SGCZ: variants seen among roughly 807,000 people sequenced by gnomAD.
The protein encoded by SGCZ is sarcoglycan zeta.
SGCZ carries 40 observed loss-of-function variants against 41.3 expected under a neutral mutation model. The observed-to-expected ratio is 0.97, with a 90% confidence interval of 0.75 to 1.26. The LOEUF (loss-of-function observed/expected upper bound fraction) is 1.26. Ranked by LOEUF, SGCZ falls within the 50% of genes most tolerant of loss-of-function variation. The pLI is 0.00. For missense variants in SGCZ, 552 were observed against 369.8 expected (o/e 1.49, Z -4.04); for synonymous variants, 206 against 137.5 (o/e 1.50, Z -3.49).
Position 14,265,746 on chromosome 8 carries a change from T to C in SGCZ, c.337-28067A>G, listed in dbSNP as rs76049285. ...TAGAGAGACAATTCAGCAATTTATT[T>C]AAAAAGAAAAAAAAAACTTAACAGA... is the stretch of plus-strand genomic sequence containing the variant. On this transcript the variant is annotated intron_variant, in intron 3 of 7. Transcript: ENST00000382080. 7.5e-5 allele frequency among the ~76,000 whole-genome samples: 11 copies of C among 147,244 alleles called. No individual in the cohort carries two copies. In the East Asian group the frequency reaches 2.2e-3, roughly 30 times the overall value.
chr8:14,114,129 G>A (rs1258855357), intron 5 of SGCZ, among the ~76,000 whole-genome samples: 2 of 151,876 alleles, frequency 1.3e-5, no homozygotes, highest in Non-Finnish European at 2.9e-5. Flanking sequence ...AGCCTGTCTC[G>A]ATAACAGTTG....
intron 1 of SGCZ, among the ~76,000 whole-genome samples, chr8:15,139,431 A>T (rs972370655): frequency 6.6e-6 from 1 of 152,222 alleles, no homozygotes; most frequent in Admixed American, 6.5e-5. Context: ...GTTACTATTC[A>T]TACTTTTCAG....
At chr8:14,543,683 T>A (rs74707948) in intron 2 of SGCZ, among the ~76,000 whole-genome samples, 7,580 of 152,200 alleles carry the variant, frequency 0.05, 604 homozygotes, top group African/African-American at 0.17. Flanking sequence ...AGTTAAGAAC[T>A]TGGACTACAC....
intron 1 of SGCZ, among the ~76,000 whole-genome samples, chr8:15,045,585 T>C (rs1453707604): frequency 1.3e-5 from 2 of 152,098 alleles, no homozygotes; most frequent in Non-Finnish European, 2.9e-5. Context: ...CATGTTTCAG[T>C]TTATCTCTTA....
At chr8:14,701,759 C>G (rs1809144895) in intron 1 of SGCZ, among the ~76,000 whole-genome samples, 1 of 151,876 alleles carries the variant, frequency 6.6e-6, no homozygotes, top group Non-Finnish European at 1.5e-5. Context: ...CTCCTGACCT[C>G]TTACCAAACC....
intron 1 of SGCZ, among the ~76,000 whole-genome samples, chr8:14,751,620 G>C (rs1056024191): frequency 6.6e-6 from 1 of 152,140 alleles, no homozygotes; most frequent in Admixed American, 6.5e-5. Flanking sequence ...CCTGAAAAGA[G>C]AGGCTGGTTT....
At chr8:15,157,732 T>C (rs1799375247) in intron 1 of SGCZ, among the ~76,000 whole-genome samples, 2 of 152,180 alleles carry the variant, frequency 1.3e-5, no homozygotes, top group South Asian at 4.1e-4. Flanking sequence ...ATGAAACCTT[T>C]ACAGTACTAG....
At chr8:14,479,244 G>A (rs1801451959) in intron 2 of SGCZ, among the ~76,000 whole-genome samples, 1 of 151,588 alleles carries the variant, frequency 6.6e-6, no homozygotes, top group African/African-American at 2.4e-5. Context: ...GTAAACCACT[G>A]TTGTAGGTCC....
chr8:15,063,654 C>G (rs1005581577), intron 1 of SGCZ, among the ~76,000 whole-genome samples: 13 of 152,110 alleles, frequency 8.5e-5, no homozygotes, highest in Admixed American at 4.6e-4. Context: ...ATTGCTTTTC[C>G]AAAGATTTAA....
intron 1 of SGCZ, among the ~76,000 whole-genome samples, chr8:15,012,803 A>G (rs1802888846): frequency 6.7e-6 from 1 of 150,138 alleles, no homozygotes; most frequent in East Asian, 1.9e-4. Context: ...GTGTGCATAT[A>G]TATATATACG....
At chr8:14,691,437 G>C (rs1808794528) in intron 1 of SGCZ, among the ~76,000 whole-genome samples, 2 of 151,984 alleles carry the variant, frequency 1.3e-5, no homozygotes, top group Non-Finnish European at 2.9e-5. Flanking sequence ...AGTACCAAAG[G>C]ATGACCTAGC....
At chr8:14,846,243 G>T (rs562305555) in intron 1 of SGCZ, among the ~76,000 whole-genome samples, 4 of 152,076 alleles carry the variant, frequency 2.6e-5, no homozygotes, top group Non-Finnish European at 5.9e-5. Context: ...AAGGAAGAAA[G>T]TTTGCAAATT....
intron 1 of SGCZ, among the ~76,000 whole-genome samples, chr8:14,617,594 A>C (rs552562957): frequency 6.6e-6 from 1 of 152,288 alleles, no homozygotes; most frequent in African/African-American, 2.4e-5. Context: ...CCTAACCATA[A>C]ATACACTTGA....
intron 1 of SGCZ, among the ~76,000 whole-genome samples, chr8:15,111,377 G>A (rs1218913678): frequency 3.9e-5 from 6 of 152,144 alleles, no homozygotes; most frequent in African/African-American, 7.2e-5. Context: ...TGGGCCAAGC[G>A]TGGACCATCC....
At position 14,572,474 on chromosome 8, in the gene SGCZ, C is replaced by T. The variant is rs1184819875; in HGVS notation, c.40-17548G>A. ...AGGCACTAATGCCCACAGGTGTTAA[C>T]TCATTTAATCCTCACCGAACCCAGA... On this transcript the variant is annotated intron_variant, in intron 1 of 7. Coordinates refer to ENST00000382080, the MANE Select transcript of SGCZ (RefSeq NM_139167.4). 7.2e-5 allele frequency among the ~76,000 whole-genome samples: 11 copies of T among 151,750 alleles called. No homozygotes were observed. In the East Asian group the frequency reaches 2.1e-3, roughly 30 times the overall value.
intron 1 of SGCZ, among the ~76,000 whole-genome samples, chr8:15,219,288 A>G (rs1801513289): frequency 6.6e-6 from 1 of 152,176 alleles, no homozygotes; most frequent in Non-Finnish European, 1.5e-5. Flanking sequence ...TTGTTCACAT[A>G]TATACATATA....
At position 14,503,998 on chromosome 8, in the gene SGCZ, T is replaced by C. The variant is rs182746789; in HGVS notation, c.234+50734A>G. Among the ~76,000 whole-genome samples, 434 of 152,294 alleles carry C rather than the reference T, an allele frequency of 2.8e-3. 4 individuals are homozygous for C. The highest frequency in any genetic ancestry group is 9.8e-3 in the African/African-American group (408 of 41,584). On this transcript the variant is annotated intron_variant, in intron 2 of 7. Transcript: ENST00000382080. ...AAAAATTACTGTATTTTACATCTTATGAGTTATTTTAAGTGAACATTTTAT... is the reference window on the plus strand; with the variant it reads ...AAAAATTACTGTATTTTACATCTTACGAGTTATTTTAAGTGAACATTTTAT...
chr8:15,059,459 A>G (rs1042401451), intron 1 of SGCZ, among the ~76,000 whole-genome samples: 1 of 152,202 alleles, frequency 6.6e-6, no homozygotes, highest in African/African-American at 2.4e-5. Flanking sequence ...TTATTATGAA[A>G]TGGTTTCTTT....
chr8:14,617,749 A>C (rs572482623), intron 1 of SGCZ, among the ~76,000 whole-genome samples: 3 of 152,152 alleles, frequency 2.0e-5, no homozygotes, highest in African/African-American at 4.8e-5. Context: ...AGACATGGAA[A>C]TAAAGTAGGG....
Sources: allele counts gnomAD v4.1 joint callset (sites outside exome capture counted in the v4.1 genomes callset), GRCh38; gene constraint gnomAD v4.1.1; transcripts MANE v1.5; gene names NCBI Gene and HGNC (gene_info 2026-07-23, HGNC 2026-07-21).